PGS1: variants seen among roughly 807,000 people sequenced by gnomAD.
PGS1 encodes phosphatidylglycerophosphate synthase 1.
Under a neutral mutation model 58.3 loss-of-function variants are expected in PGS1, and 44 were observed. The ratio of observed to expected loss-of-function variants is 0.75; its 90% CI spans 0.59 to 0.97. PGS1 has a LOEUF of 0.97. Ranked by LOEUF, PGS1 falls within the 50% of genes least tolerant of loss-of-function variation. The pLI is 0.00. For missense variants in PGS1, 684 were observed against 731.1 expected, an observed-to-expected ratio of 0.94 and a Z score of 0.74; for synonymous variants, 330 against 311.0, an observed-to-expected ratio of 1.06 and a Z score of -0.64.
chr17:78,411,889 T>C (rs1215743487), intron 7 of PGS1, among the ~76,000 whole-genome samples: 1 of 128,008 alleles, frequency 7.8e-6, no homozygotes, highest in African/African-American at 2.9e-5. Context: ...GAAACAGAAC[T>C]AAAGGGCTCC....
intron 2 of PGS1, among the ~76,000 whole-genome samples, chr17:78,393,467 A>G (rs1329586159): frequency 6.6e-6 from 1 of 152,216 alleles, no homozygotes; most frequent in East Asian, 1.9e-4. Flanking sequence ...TCACATGGGT[A>G]TGTCCTTGCT....
intron 3 of PGS1, 81 bp downstream of exon 3, chr17:78,396,466 G>T: frequency 1.0e-6 from 1 of 998,642 alleles, no homozygotes; most frequent in Non-Finnish European, 1.5e-6. Context: ...CATGCAGTTG[G>T]TGTGGAGCTG....
At chr17:78,422,501 C>CT (rs2085932642) in intron 9 of PGS1, among the ~76,000 whole-genome samples, 2 of 151,916 alleles carry the variant, frequency 1.3e-5, no homozygotes, top group South Asian at 2.1e-4. Context: ...GTGTGTTTGC[C>CT]TTTTTTCCCC....
intron 8 of PGS1, among the ~76,000 whole-genome samples, chr17:78,415,283 A>G (rs1221105358): frequency 6.6e-6 from 1 of 152,194 alleles, no homozygotes; most frequent in Admixed American, 6.5e-5. Context: ...AGGGGAGACC[A>G]CCATTTTCTC....
chr17:78,394,126 C>G (rs913742681), intron 2 of PGS1, among the ~76,000 whole-genome samples: 6 of 127,520 alleles, frequency 4.7e-5, no homozygotes, highest in African/African-American at 1.8e-4. Flanking sequence ...AAGCCAAGAT[C>G]GCGCCATTGC....
intron 7 of PGS1, among the ~76,000 whole-genome samples, chr17:78,405,949 G>A (rs1008128651): frequency 2.0e-5 from 3 of 152,172 alleles, no homozygotes; most frequent in Admixed American, 6.5e-5. Flanking sequence ...GGCATCTTCC[G>A]GTGCTCAGGT....
chr17:78,391,913 C>T (rs564023822), intron 1 of PGS1, among the ~76,000 whole-genome samples: 141 of 152,348 alleles, frequency 9.3e-4, no homozygotes, highest in African/African-American at 3.3e-3. Flanking sequence ...CCTGAGCCAC[C>T]ATGCTCGGCA....
At chr17:78,420,785 C>T (rs1241552988) in intron 9 of PGS1, 2 of 152,168 alleles carry the variant, frequency 1.3e-5, no homozygotes, top group East Asian at 1.9e-4. Context: ...CGGCCATTTC[C>T]TGCCCTCCCT....
rs1181673859 is a variant in PGS1, at chr17:78,417,889, C to CAAAG, written c.1552-1655_1552-1652dup. ...GCAGACTCTTACAAGAGAAGCTTTT[C>CAAAG]AAAGATCCCAAACACCATTTCGGAC... On this transcript the variant is annotated intron_variant, in intron 8 of 9. Transcript: ENST00000262764. 5.0e-4 allele frequency among the ~76,000 whole-genome samples: 75 copies of CAAAG among 149,822 alleles called. 1 individual carries two copies. The East Asian group carries it at 0.015, about 29-fold the overall frequency.
chr17:78,418,772 A>G (rs1814090238), intron 8 of PGS1, among the ~76,000 whole-genome samples: 2 of 152,104 alleles, frequency 1.3e-5, no homozygotes, highest in South Asian at 2.1e-4. Flanking sequence ...CCTTGCCCTC[A>G]GCACTAAGCG....
intron 9 of PGS1, chr17:78,420,807 G>C (rs2085661221): frequency 6.6e-6 from 1 of 152,204 alleles, no homozygotes; most frequent in African/African-American, 2.4e-5. Flanking sequence ...CCCCCAGGCA[G>C]CCACTCTTGG....
intron 6 of PGS1, among the ~76,000 whole-genome samples, chr17:78,401,577 C>G (rs1019436708): frequency 2.6e-5 from 4 of 152,118 alleles, no homozygotes; most frequent in African/African-American, 9.7e-5. Context: ...GGAGGAGGAG[C>G]TGAAGTTGGA....
intron 7 of PGS1, among the ~76,000 whole-genome samples, chr17:78,410,455 T>C (rs1048456385): frequency 3.1e-5 from 4 of 127,932 alleles, no homozygotes; most frequent in East Asian, 2.8e-4. Context: ...AAACCAAAAC[T>C]TCAGAGCTTT....
intron 8 of PGS1, among the ~76,000 whole-genome samples, chr17:78,416,272 G>C (rs2085179752): frequency 6.6e-6 from 1 of 152,256 alleles, no homozygotes; most frequent in Non-Finnish European, 1.5e-5. Context: ...AGAGATTCCA[G>C]TAATAGGGTG....
chr17:78,423,175 C>G (rs1180400089), intron 9 of PGS1, among the ~76,000 whole-genome samples: 1 of 151,804 alleles, frequency 6.6e-6, no homozygotes, highest in Non-Finnish European at 1.5e-5. Context: ...TTGCCGCTGT[C>G]TCCCCTCATC....
At chr17:78,412,190 C>T (rs1282790227) in intron 7 of PGS1, among the ~76,000 whole-genome samples, 1 of 152,090 alleles carries the variant, frequency 6.6e-6, no homozygotes, top group Non-Finnish European at 1.5e-5. Flanking sequence ...ATCTCTGGAC[C>T]TGGCAGGTGC....
At chr17:78,405,381 A>G (rs986592694) in intron 7 of PGS1, among the ~76,000 whole-genome samples, 2 of 151,770 alleles carry the variant, frequency 1.3e-5, no homozygotes, top group Non-Finnish European at 1.5e-5. Flanking sequence ...TCTTTTCCTC[A>G]CTATTGCTAT....
chr17:78,410,525 A>G (rs62076713), intron 7 of PGS1, among the ~76,000 whole-genome samples: 136,602 of 136,608 alleles, frequency 1, 68,298 homozygotes, highest in Middle Eastern at 1. Flanking sequence ...CCAGGCTGGA[A>G]TGCAGTGGCG....
intron 1 of PGS1, among the ~76,000 whole-genome samples, chr17:78,383,515 C>T (rs1024805599): frequency 2.0e-5 from 3 of 152,150 alleles, no homozygotes; most frequent in African/African-American, 2.4e-5. Context: ...GGTGAGCCAC[C>T]GTGCCCGGCC....
Sources: allele counts gnomAD v4.1 joint callset (sites outside exome capture counted in the v4.1 genomes callset), GRCh38; gene constraint gnomAD v4.1.1; transcripts MANE v1.5; gene names NCBI Gene and HGNC (gene_info 2026-07-23, HGNC 2026-07-21).